The following SMYD3 variants were observed in gnomAD, a reference collection of about 807,000 sequenced individuals.
SMYD3 encodes SET and MYND domain containing 3, also known as histone-lysine N-methyltransferase SMYD3.
In SMYD3, 36 loss-of-function variants were observed where a neutral mutation model predicts 57.7. The ratio of observed to expected loss-of-function variants is 0.62; its 90% CI spans 0.48 to 0.82. The LOEUF (loss-of-function observed/expected upper bound fraction) is 0.82. Among genes scored for constraint, SMYD3 ranks in the 40% least tolerant of loss-of-function variants. The probability of loss-of-function intolerance (pLI) is 0.00; values close to 1 mark genes in which losing one functional copy is unlikely to be tolerated. For synonymous variants in SMYD3, 211 were observed against 195.0 expected (o/e 1.08, Z -0.68); for missense variants, 515 against 538.8 (o/e 0.96, Z 0.44).
intron 11 of SMYD3, among the ~76,000 whole-genome samples, chr1:245,761,042 C>G (rs1219969524): frequency 1.3e-5 from 2 of 152,262 alleles, no homozygotes; most frequent in East Asian, 1.9e-4. Context: ...GACTCTAAAT[C>G]CTTGCACTCT....
At chr1:245,852,583 A>C (rs572434319) in intron 10 of SMYD3, among the ~76,000 whole-genome samples, 73 of 152,278 alleles carry the variant, frequency 4.8e-4, no homozygotes, top group Non-Finnish European at 9.0e-4. Flanking sequence ...AGTAAAACAT[A>C]AGTAATGAGG....
At chr1:246,243,507 C>T (rs1024371616) in intron 5 of SMYD3, among the ~76,000 whole-genome samples, 2 of 150,452 alleles carry the variant, frequency 1.3e-5, no homozygotes, top group Non-Finnish European at 2.9e-5. Context: ...TTAACTATCA[C>T]CTGCCTCTGG....
At chr1:245,892,223 T>C (rs1269615870) in intron 8 of SMYD3, among the ~76,000 whole-genome samples, 2 of 152,158 alleles carry the variant, frequency 1.3e-5, no homozygotes, top group Admixed American at 1.3e-4. Context: ...GATCAGCAAA[T>C]GATGGGAACT....
intron 5 of SMYD3, among the ~76,000 whole-genome samples, chr1:245,997,675 C>T (rs2058958749): frequency 6.6e-6 from 1 of 152,192 alleles, no homozygotes. Context: ...GCAAGCCCTG[C>T]ACCCACCATC....
At chr1:245,893,634 AG>A (rs1352765046) in intron 8 of SMYD3, among the ~76,000 whole-genome samples, 2 of 152,218 alleles carry the variant, frequency 1.3e-5, no homozygotes, top group African/African-American at 4.8e-5. Context: ...ATTGTGGAAA[AG>A]GTAAAATGGT....
At chr1:246,178,743 C>T (rs1006186088) in intron 5 of SMYD3, 1 of 152,074 alleles carries the variant, frequency 6.6e-6, no homozygotes, top group Non-Finnish European at 1.5e-5. Flanking sequence ...GCTGCCACTG[C>T]TTCTTCTGTG....
At chr1:245,856,219 T>A (rs531879726) in intron 10 of SMYD3, among the ~76,000 whole-genome samples, 81 of 152,376 alleles carry the variant, frequency 5.3e-4, no homozygotes, top group African/African-American at 1.8e-3. Flanking sequence ...TGACAACATC[T>A]AACCTGCCCA....
chr1:246,325,494 T>C (rs1484801210), intron 5 of SMYD3, among the ~76,000 whole-genome samples: 1 of 152,100 alleles, frequency 6.6e-6, no homozygotes, highest in Non-Finnish European at 1.5e-5. Flanking sequence ...CTCAAAACTG[T>C]GTATTTTCTA....
chr1:246,012,595 A>G (rs928782763), intron 5 of SMYD3, among the ~76,000 whole-genome samples: 1 of 152,250 alleles, frequency 6.6e-6, no homozygotes, highest in Non-Finnish European at 1.5e-5. Flanking sequence ...ATGCAAATGC[A>G]TGCAGGAAAA....
intron 5 of SMYD3, among the ~76,000 whole-genome samples, chr1:246,311,093 T>G (rs2065068838): frequency 6.6e-6 from 1 of 152,198 alleles, no homozygotes; most frequent in Admixed American, 6.5e-5. Context: ...TATTTTGTAA[T>G]TGAAAACATG....
At chr1:245,913,875 C>T (rs1418149963) in intron 8 of SMYD3, among the ~76,000 whole-genome samples, 1 of 152,066 alleles carries the variant, frequency 6.6e-6, no homozygotes, top group Non-Finnish European at 1.5e-5. Context: ...TGCTTATCAG[C>T]AACCATCAGG....
chr1:245,783,552 T>C (rs1486570726), intron 10 of SMYD3, among the ~76,000 whole-genome samples: 1 of 148,570 alleles, frequency 6.7e-6, no homozygotes, highest in Non-Finnish European at 1.5e-5. Flanking sequence ...GCCAGTGTAA[T>C]AAGGCAAAAA....
chr1:245,858,731 G>A, intron 9 of SMYD3, 61 bp from the exon 10 acceptor site: 1 of 1,551,264 alleles, frequency 6.4e-7, no homozygotes, highest in Non-Finnish European at 8.8e-7. Context: ...AACAAAATTA[G>A]ATTCTCTAAA....
chr1:245,952,685 A>G (rs954477211), intron 5 of SMYD3, among the ~76,000 whole-genome samples: 1 of 152,210 alleles, frequency 6.6e-6, no homozygotes, highest in Non-Finnish European at 1.5e-5. Flanking sequence ...CAGGTCTCAC[A>G]TTCTGTGCAA....
chr1:245,962,285 C>T (rs1320336130), intron 5 of SMYD3, among the ~76,000 whole-genome samples: 1 of 152,190 alleles, frequency 6.6e-6, no homozygotes, highest in Admixed American at 6.5e-5. Context: ...AGTGGCTTAA[C>T]TGCTCATTGT....
chr1:246,316,838 A>G (rs1277321699), intron 5 of SMYD3, among the ~76,000 whole-genome samples: 1 of 150,808 alleles, frequency 6.6e-6, no homozygotes. Flanking sequence ...AACTAAAAAT[A>G]TAAAAATTAG....
At chr1:246,167,251 T>C (rs1289948072) in intron 5 of SMYD3, among the ~76,000 whole-genome samples, 1 of 152,214 alleles carries the variant, frequency 6.6e-6, no homozygotes, top group African/African-American at 2.4e-5. Context: ...TTATAATATA[T>C]GTATGTGAAA....
intron 10 of SMYD3, among the ~76,000 whole-genome samples, chr1:245,776,994 C>T (rs1460247489): frequency 6.6e-6 from 1 of 152,156 alleles, no homozygotes; most frequent in Non-Finnish European, 1.5e-5. Flanking sequence ...TATTTACTAC[C>T]TGGCTCTTCA....
intron 5 of SMYD3, among the ~76,000 whole-genome samples, chr1:245,943,209 G>T (rs1572752931): frequency 1.7e-5 from 2 of 115,354 alleles, no homozygotes; most frequent in African/African-American, 6.6e-5. Context: ...CAGGGGCTGA[G>T]TTTTTTTTTT....
Sources: allele counts gnomAD v4.1 joint callset (sites outside exome capture counted in the v4.1 genomes callset), GRCh38; gene constraint gnomAD v4.1.1; transcripts MANE v1.5; gene names NCBI Gene and HGNC (gene_info 2026-07-23, HGNC 2026-07-21).